Variants in GABRB1 observed in about 807,000 individuals in gnomAD.
GABRB1 encodes the protein gamma-aminobutyric acid receptor subunit beta-1.
Under a neutral mutation model 51.6 loss-of-function variants are expected in GABRB1, and 17 were observed. The ratio of observed to expected loss-of-function variants is 0.33; its 90% CI spans 0.23 to 0.49. The LOEUF is 0.49. Ranked by LOEUF, GABRB1 falls within the 20% of genes least tolerant of loss-of-function variation. The pLI is 0.99. For missense variants in GABRB1, 410 were observed against 600.6 expected, an observed-to-expected ratio of 0.68 and a Z score of 3.32; for synonymous variants, 247 against 218.9, an observed-to-expected ratio of 1.13 and a Z score of -1.14.
chr4:47,060,690 G>A (rs2109526664), intron 3 of GABRB1, among the ~76,000 whole-genome samples: 1 of 152,218 alleles, frequency 6.6e-6, no homozygotes, highest in African/African-American at 2.4e-5. Context: ...ACTCGTTCCT[G>A]TTAGGGGATG....
chr4:47,406,578 A>C, intron 7 of GABRB1, 104 bp from the exon 8 acceptor site: 1 of 1,397,006 alleles, frequency 7.2e-7, no homozygotes, highest in Non-Finnish European at 1.0e-6. Context: ...GTGATCACTC[A>C]GGGGCACCAA....
chr4:47,379,898 T>C (rs1727533485), intron 5 of GABRB1, among the ~76,000 whole-genome samples: 1 of 152,170 alleles, frequency 6.6e-6, no homozygotes, highest in Admixed American at 6.5e-5. Context: ...AAGCCTCAGT[T>C]CCCTAATCAC....
At chr4:47,063,862 C>T (rs371489886) in intron 3 of GABRB1, among the ~76,000 whole-genome samples, 34 of 151,780 alleles carry the variant, frequency 2.2e-4, no homozygotes, top group African/African-American at 8.0e-4. Context: ...GGCGGGGGAA[C>T]AACACACACT....
At chr4:47,244,277 C>A (rs556533041) in intron 4 of GABRB1, among the ~76,000 whole-genome samples, 4 of 152,076 alleles carry the variant, frequency 2.6e-5, no homozygotes, top group Admixed American at 2.6e-4. Context: ...CTGCTGTATT[C>A]GGTTTGCCAG....
At chr4:47,210,111 G>C (rs541576131) in intron 4 of GABRB1, among the ~76,000 whole-genome samples, 3 of 152,046 alleles carry the variant, frequency 2.0e-5, no homozygotes, top group East Asian at 1.9e-4. Context: ...CAAATGATGT[G>C]TCATTAAGAA....
At chr4:47,305,568 T>A (rs1362262064) in intron 4 of GABRB1, among the ~76,000 whole-genome samples, 2 of 152,154 alleles carry the variant, frequency 1.3e-5, no homozygotes, top group African/African-American at 2.4e-5. Flanking sequence ...TCCTATGGGG[T>A]ACTTACCATC....
intron 4 of GABRB1, among the ~76,000 whole-genome samples, chr4:47,221,227 C>T (rs755326948): frequency 3.9e-5 from 6 of 151,992 alleles, no homozygotes; most frequent in Non-Finnish European, 7.4e-5. Flanking sequence ...TTTCTTACTG[C>T]TGGGCTTCCT....
intron 3 of GABRB1, among the ~76,000 whole-genome samples, chr4:47,142,721 T>C (rs1451468038): frequency 6.6e-6 from 1 of 151,652 alleles, no homozygotes; most frequent in Non-Finnish European, 1.5e-5. Context: ...TTAGAAGTAA[T>C]AAATGAAGGA....
intron 4 of GABRB1, among the ~76,000 whole-genome samples, chr4:47,303,725 T>C (rs1724347765): frequency 6.6e-6 from 1 of 151,982 alleles, no homozygotes; most frequent in Non-Finnish European, 1.5e-5. Context: ...CACATATGCA[T>C]TACCCCACAT....
At chr4:47,175,608 C>A (rs972494845) in intron 4 of GABRB1, among the ~76,000 whole-genome samples, 1 of 151,998 alleles carries the variant, frequency 6.6e-6, no homozygotes, top group African/African-American at 2.4e-5. Context: ...ACTACTTGCA[C>A]GAAAATTATT....
At chr4:47,079,427 T>C (rs1196879091) in intron 3 of GABRB1, among the ~76,000 whole-genome samples, 3 of 152,182 alleles carry the variant, frequency 2.0e-5, no homozygotes, top group African/African-American at 7.2e-5. Context: ...TCTCTGATGG[T>C]AGTTTGTATT....
At chr4:47,223,724 A>G (rs1720850254) in intron 4 of GABRB1, among the ~76,000 whole-genome samples, 1 of 152,108 alleles carries the variant, frequency 6.6e-6, no homozygotes, top group Admixed American at 6.6e-5. Flanking sequence ...GACCCACAAG[A>G]TGATGATTTT....
chr4:47,191,284 G>T (rs910330185), intron 4 of GABRB1, among the ~76,000 whole-genome samples: 2 of 152,050 alleles, frequency 1.3e-5, no homozygotes, highest in African/African-American at 4.8e-5. Flanking sequence ...TTCCTTTTCA[G>T]GGATGCAGTT....
intron 3 of GABRB1, among the ~76,000 whole-genome samples, chr4:47,150,209 ACACACACG>A (rs1293935310): frequency 6.8e-6 from 1 of 147,162 alleles, no homozygotes; most frequent in Non-Finnish European, 1.5e-5. Flanking sequence ...ACACACACAC[ACACACACG>A]CACACAGTTA....
intron 1 of GABRB1, among the ~76,000 whole-genome samples, chr4:46,998,734 A>G (rs1724085099): frequency 7.2e-6 from 1 of 139,842 alleles, no homozygotes; most frequent in African/African-American, 2.8e-5. Context: ...ACTCTGTCTA[A>G]AAAAAAAAAA....
intron 4 of GABRB1, among the ~76,000 whole-genome samples, chr4:47,162,910 T>C (rs562704573): frequency 5.9e-4 from 90 of 152,206 alleles, no homozygotes; most frequent in African/African-American, 1.7e-3. Flanking sequence ...CTCTTTTTTC[T>C]GGCACCAATT....
At chr4:47,292,469 A>G (rs1055115002) in intron 4 of GABRB1, among the ~76,000 whole-genome samples, 4 of 152,232 alleles carry the variant, frequency 2.6e-5, no homozygotes, top group Non-Finnish European at 5.9e-5. Flanking sequence ...TTGTTACTTA[A>G]TATCTTTAGG....
At chr4:47,154,244 A>G (rs1717584236) in intron 3 of GABRB1, among the ~76,000 whole-genome samples, 1 of 142,044 alleles carries the variant, frequency 7.0e-6, no homozygotes, top group South Asian at 2.3e-4. Context: ...TTTGTCACAT[A>G]CAAATTATGG....
chr4:47,371,814 G>A (rs1251968070), intron 5 of GABRB1, among the ~76,000 whole-genome samples: 1 of 151,624 alleles, frequency 6.6e-6, no homozygotes, highest in African/African-American at 2.4e-5. Context: ...ATTTGTTTAA[G>A]TTCCTTGTAG....
Sources: allele counts gnomAD v4.1 joint callset (sites outside exome capture counted in the v4.1 genomes callset), GRCh38; gene constraint gnomAD v4.1.1; transcripts MANE v1.5; gene names NCBI Gene and HGNC (gene_info 2026-07-23, HGNC 2026-07-21).